RALYL: variants seen among roughly 807,000 people sequenced by gnomAD.
RALYL encodes RALY RNA binding protein like, also known as RNA-binding Raly-like protein.
A neutral mutation model predicts 35.1 loss-of-function variants in RALYL; 29 were observed. The ratio of observed to expected loss-of-function variants is 0.83; its 90% confidence interval spans 0.61 to 1.13. RALYL has a LOEUF of 1.13. Ranked by LOEUF, RALYL falls within the 50% of genes most tolerant of loss-of-function variation. RALYL has a pLI of 0.00. For synonymous variants in RALYL, 120 were observed against 127.6 expected, an observed-to-expected ratio of 0.94 and a Z score of 0.40; for missense variants, 359 against 360.4, an observed-to-expected ratio of 1.00 and a Z score of 0.03.
At chr8:84,593,948 T>A (rs974223207) in intron 2 of RALYL, among the ~76,000 whole-genome samples, 1 of 152,096 alleles carries the variant, frequency 6.6e-6, no homozygotes, top group Non-Finnish European at 1.5e-5. Context: ...CTTGTAGCTT[T>A]GCCTCATGGA....
intron 1 of RALYL, among the ~76,000 whole-genome samples, chr8:84,263,161 A>G (rs926432709): frequency 6.6e-6 from 1 of 152,162 alleles, no homozygotes; most frequent in African/African-American, 2.4e-5. Context: ...GAAAAGTGTG[A>G]AATTTTGGTC....
intron 1 of RALYL, among the ~76,000 whole-genome samples, chr8:84,522,793 T>C (rs954888461): frequency 2.6e-5 from 4 of 152,168 alleles, no homozygotes; most frequent in Non-Finnish European, 1.5e-5. Context: ...TGCCTCCCTT[T>C]CATCCTTTCC....
intron 8 of RALYL, among the ~76,000 whole-genome samples, chr8:84,916,387 C>T (rs770880675): frequency 5.3e-5 from 8 of 151,428 alleles, no homozygotes; most frequent in Non-Finnish European, 1.2e-4. Context: ...TTGGCTGTGT[C>T]CCCACCCAAA....
At chr8:84,541,105 A>C (rs1483578283) in intron 2 of RALYL, among the ~76,000 whole-genome samples, 1 of 150,720 alleles carries the variant, frequency 6.6e-6, no homozygotes, top group Non-Finnish European at 1.5e-5. Context: ...TTGCTTCATT[A>C]CTCTGGAATA....
chr8:84,411,275 A>T (rs1286473810), intron 1 of RALYL, among the ~76,000 whole-genome samples: 1 of 151,904 alleles, frequency 6.6e-6, no homozygotes, highest in African/African-American at 2.4e-5. Context: ...CATCTTGCTG[A>T]TGGGGTCCAC....
At chr8:84,576,387 G>A (rs1809436741) in intron 2 of RALYL, among the ~76,000 whole-genome samples, 1 of 152,150 alleles carries the variant, frequency 6.6e-6, no homozygotes, top group South Asian at 2.1e-4. Flanking sequence ...GGCTGCATGA[G>A]AACACATGGC....
intron 1 of RALYL, among the ~76,000 whole-genome samples, chr8:84,213,671 A>T (rs1820086459): frequency 6.6e-6 from 1 of 152,216 alleles, no homozygotes; most frequent in African/African-American, 2.4e-5. Flanking sequence ...GCTACAGAAT[A>T]TGTGTTACAT....
In RALYL at chr8:84,642,750, G is replaced by A. The variant is rs530483897; in HGVS notation, c.256+113173G>A. 7.2e-5 allele frequency among the ~76,000 whole-genome samples: 11 copies of A among 152,146 alleles called. No individual in the cohort carries two copies. The East Asian group carries it at 2.1e-3, about 30-fold the overall frequency. On this transcript the variant is annotated intron_variant, in intron 2 of 8. Transcript: ENST00000521268. ...TGAATAAGAAAAGCGAAAAAGAAAGGAATGGAGAGAAGAAAGGAGGTCAGG... is the reference window on the plus strand; with the variant it reads ...TGAATAAGAAAAGCGAAAAAGAAAGAAATGGAGAGAAGAAAGGAGGTCAGG...
At chr8:84,471,066 T>C (rs1398741380) in intron 1 of RALYL, among the ~76,000 whole-genome samples, 1 of 152,214 alleles carries the variant, frequency 6.6e-6, no homozygotes, top group African/African-American at 2.4e-5. Context: ...GGCTCTGAGT[T>C]ACTTTGTGAA....
At chr8:84,325,269 T>A (rs189220077) in intron 1 of RALYL, among the ~76,000 whole-genome samples, 21 of 152,292 alleles carry the variant, frequency 1.4e-4, no homozygotes, top group Admixed American at 1.3e-3. Flanking sequence ...CAGTTGCAGT[T>A]GTTCTCAATA....
chr8:84,807,411 TTTGA>T (rs1824904912), intron 4 of RALYL, among the ~76,000 whole-genome samples: 2 of 152,210 alleles, frequency 1.3e-5, no homozygotes, highest in Non-Finnish European at 2.9e-5. Flanking sequence ...TTATCCACTC[TTTGA>T]TTGTTGGGCA....
intron 1 of RALYL, among the ~76,000 whole-genome samples, chr8:84,407,289 T>C (rs1370120307): frequency 1.3e-5 from 2 of 152,112 alleles, no homozygotes; most frequent in Admixed American, 6.6e-5. Flanking sequence ...CACCACTACA[T>C]AGCTTCCTGC....
chr8:84,202,370 T>A (rs868178305), intron 1 of RALYL, among the ~76,000 whole-genome samples: 1,605 of 116,224 alleles, frequency 0.014, 31 homozygotes, highest in African/African-American at 0.071. Context: ...TGAAGGGATT[T>A]TTTTTTTTTT....
chr8:84,651,005 G>A (rs1048957707), intron 2 of RALYL, among the ~76,000 whole-genome samples: 61 of 151,882 alleles, frequency 4.0e-4, no homozygotes, highest in Non-Finnish European at 7.8e-4. Flanking sequence ...CTCACTCATA[G>A]GTGGGAATTG....
At chr8:84,608,206 C>T (rs914273736) in intron 2 of RALYL, among the ~76,000 whole-genome samples, 1 of 152,064 alleles carries the variant, frequency 6.6e-6, no homozygotes, top group Non-Finnish European at 1.5e-5. Context: ...GATCATTCTC[C>T]CAAGAGTGGT....
At chr8:84,601,018 G>A (rs1452198942) in intron 2 of RALYL, among the ~76,000 whole-genome samples, 2 of 152,122 alleles carry the variant, frequency 1.3e-5, no homozygotes, top group South Asian at 2.1e-4. Flanking sequence ...TCTTAGATAT[G>A]CAAAGATATC....
chr8:84,859,012 G>A (rs1011185328), intron 5 of RALYL, among the ~76,000 whole-genome samples: 1 of 152,060 alleles, frequency 6.6e-6, no homozygotes, highest in Middle Eastern at 3.2e-3. Flanking sequence ...TGGGCAAAAC[G>A]CACAAACAAA....
intron 2 of RALYL, among the ~76,000 whole-genome samples, chr8:84,733,649 T>A (rs1056410994): frequency 2.0e-5 from 3 of 152,184 alleles, no homozygotes; most frequent in Non-Finnish European, 4.4e-5. Context: ...CCAGAAAATT[T>A]GAATCCCTCC....
At chr8:84,760,428 C>T (rs1425046074) in intron 2 of RALYL, among the ~76,000 whole-genome samples, 5 of 151,874 alleles carry the variant, frequency 3.3e-5, no homozygotes, top group Non-Finnish European at 7.4e-5. Context: ...ATAAGTATCA[C>T]ATTTTATAAA....
Sources: allele counts gnomAD v4.1 joint callset (sites outside exome capture counted in the v4.1 genomes callset), GRCh38; gene constraint gnomAD v4.1.1; transcripts MANE v1.5; gene names NCBI Gene and HGNC (gene_info 2026-07-23, HGNC 2026-07-21).